The following TET3 variants were observed in gnomAD, a reference collection of about 807,000 sequenced individuals.
TET3 encodes the protein tet methylcytosine dioxygenase 3.
In TET3, 19 loss-of-function variants were observed where a neutral mutation model predicts 141.4. The ratio of observed to expected loss-of-function variants is 0.13; its 90% CI spans 0.09 to 0.20. The LOEUF (loss-of-function observed/expected upper bound fraction) is 0.20, where lower values mean the gene tolerates loss of function less well. TET3 is among the 10% of genes least tolerant of loss of function. The pLI is 1.00. For missense variants in TET3, 1,874 were observed against 2,356.9 expected (o/e 0.80, Z 4.24); for synonymous variants, 1,043 against 980.9 (o/e 1.06, Z -1.18).
chr2:73,999,994 G>T (rs1390605170), intron 2 of TET3, among the ~76,000 whole-genome samples: 1 of 152,282 alleles, frequency 6.6e-6, no homozygotes, highest in Non-Finnish European at 1.5e-5. Context: ...GGAAGGCAGG[G>T]TGGGGACCTG....
At chr2:74,017,837 C>T (rs1685814877) in intron 3 of TET3, among the ~76,000 whole-genome samples, 1 of 152,064 alleles carries the variant, frequency 6.6e-6, no homozygotes, top group Non-Finnish European at 1.5e-5. Context: ...AATGGCTGTA[C>T]TAATTTACAT....
At chr2:74,026,217 GGACTTT>G (rs1357949930) in intron 3 of TET3, among the ~76,000 whole-genome samples, 1 of 152,056 alleles carries the variant, frequency 6.6e-6, no homozygotes, top group Non-Finnish European at 1.5e-5. Flanking sequence ...GGGGAGAGAG[GGACTTT>G]GACACTGGTC....
At chr2:74,002,571 T>G (rs1470344781) in intron 2 of TET3, 1 of 310,964 alleles carries the variant, frequency 3.2e-6, no homozygotes, top group African/African-American at 2.2e-5. Flanking sequence ...AGCAGCACCC[T>G]CGGCTGCGCC....
intron 4 of TET3, among the ~76,000 whole-genome samples, chr2:74,070,566 G>T (rs1689150875): frequency 6.6e-6 from 1 of 152,214 alleles, no homozygotes; most frequent in Non-Finnish European, 1.5e-5. Flanking sequence ...CCATGCTGTT[G>T]CAGGTTTCTG....
chr2:74,092,327 C>G (rs1690545627), intron 8 of TET3, among the ~76,000 whole-genome samples: 1 of 152,024 alleles, frequency 6.6e-6, no homozygotes, highest in African/African-American at 2.4e-5. Flanking sequence ...TAGAATTCAT[C>G]TGTATTTCTG....
intron 2 of TET3, chr2:73,993,838 G>A (rs1348280269): frequency 2.0e-5 from 3 of 152,286 alleles, no homozygotes; most frequent in African/African-American, 7.2e-5. Context: ...GGAGCTCCAT[G>A]ACCCAGTAGT....
chr2:74,042,336 G>T (rs953597757), intron 3 of TET3, among the ~76,000 whole-genome samples: 2 of 152,220 alleles, frequency 1.3e-5, no homozygotes, highest in African/African-American at 4.8e-5. Flanking sequence ...CCCAGCCTTG[G>T]TTTCAAGAAG....
intron 3 of TET3, among the ~76,000 whole-genome samples, chr2:74,035,168 C>T (rs375993051): frequency 4.3e-5 from 6 of 138,662 alleles, no homozygotes; most frequent in African/African-American, 1.6e-4. Flanking sequence ...CGCCACTGCA[C>T]TCCAGCCTGG....
At position 74,102,038 on chromosome 2, in the gene TET3, G is replaced by C. The variant is rs760215937; in HGVS notation, c.5250G>C (p.Val1750=). 5.8e-6 allele frequency: 9 copies of C among 1,551,920 alleles called. No homozygotes were observed. The highest frequency in any genetic ancestry group is 7.0e-6 in the Non-Finnish European group (8 of 1,148,984). ...YGKKRKWGGT[V]VAEPQQKEKK... Reference sequence around the variant, plus strand: ...AGAAGCGCAAGTGGGGGGGCACTGTGGTTGCTGAGCCCCAGCAGAAAGAGA... The same window carrying C: ...AGAAGCGCAAGTGGGGGGGCACTGTCGTTGCTGAGCCCCAGCAGAAAGAGA... Residue 1750 remains valine (V), a synonymous_variant, in exon 12 of 12, where the codon GTG becomes GTC. Transcript: ENST00000409262.
chr2:74,016,927 C>T (rs1053477661), intron 3 of TET3, among the ~76,000 whole-genome samples: 2 of 151,434 alleles, frequency 1.3e-5, no homozygotes, highest in Non-Finnish European at 2.9e-5. Context: ...TCACCTCAAA[C>T]ATTTATTAAT....
intron 8 of TET3, 108 bp downstream of exon 8, chr2:74,090,155 G>A: frequency 2.0e-6 from 3 of 1,492,310 alleles, no homozygotes; most frequent in East Asian, 2.3e-5. Context: ...TGCACAGGAA[G>A]TGGAACTTGT....
At chr2:74,035,232 C>T (rs1686983219) in intron 3 of TET3, among the ~76,000 whole-genome samples, 1 of 143,234 alleles carries the variant, frequency 7.0e-6, no homozygotes, top group South Asian at 2.2e-4. Context: ...GTTATTGGGG[C>T]CGGGCATGGT....
At chr2:74,067,259 T>C (rs1344425691) in intron 4 of TET3, among the ~76,000 whole-genome samples, 2 of 152,254 alleles carry the variant, frequency 1.3e-5, no homozygotes, top group Non-Finnish European at 2.9e-5. Flanking sequence ...GTTTAAGCAC[T>C]GGTACCTTGC....
intron 3 of TET3, among the ~76,000 whole-genome samples, chr2:74,038,519 G>A (rs1417691785): frequency 6.6e-6 from 1 of 152,178 alleles, no homozygotes; most frequent in Non-Finnish European, 1.5e-5. Context: ...AAGATGTGCA[G>A]CACTAGCACC....
intron 2 of TET3, 42 bp from the exon 3 acceptor site, chr2:74,003,068 G>A: frequency 6.5e-7 from 1 of 1,550,104 alleles, no homozygotes; most frequent in Non-Finnish European, 8.7e-7. Flanking sequence ...CTGCCTTCCT[G>A]GTACCCGCCT....
In TET3 at chr2:74,099,511, A is replaced by G. The variant is rs1227009447; in HGVS notation, c.3503A>G (p.Lys1168Arg). ...CGCCAGCGGCAGCTGGAAGCCAGAA[A>G]GGCAGCAGCCGAGAAGAAGAAGATT... ...SCRQRQLEAR[K>R]AAAEKKKIQK... is the part of the protein sequence containing the mutation. Residue 1168 changes from lysine (K) to arginine (R), a missense_variant, in exon 11 of 12, where the codon AAG becomes AGG. Around this residue, in one of 10 missense-constraint regions of TET3, gnomAD observed 602 missense variants for 590.2 expected, o/e 1.02. Transcript: ENST00000409262. 6.2e-7 allele frequency: 1 copy of G among 1,613,338 alleles called. No homozygotes were observed. The highest frequency in any genetic ancestry group is 1.7e-5 in the Admixed American group (1 of 59,932).
rs1691605319 is a variant in TET3 at position 74,108,066 on chromosome 2, A to G, written c.*5890A>G. Reference sequence around the variant, plus strand: ...CAAGTATGTATCCTTTTTGATTTGTATTTTATTATAATTTACACAAACAAC... The same window carrying G: ...CAAGTATGTATCCTTTTTGATTTGTGTTTTATTATAATTTACACAAACAAC... On this transcript the variant is annotated 3_prime_UTR_variant, in exon 12 of 12. Transcript: ENST00000409262. The G allele has an allele frequency of 6.5e-6, 1 of 153,592 alleles. No individual in the cohort carries two copies. Among genetic ancestry groups the G allele is most frequent in the Non-Finnish European group, 1.5e-5 (1 of 68,004 alleles). The allele number at this position is 153,592 out of a possible 1,614,324, so 9.5% of individuals were successfully genotyped here. A position where few individuals can be genotyped will look rare whatever the true frequency, so the allele number is the denominator to read the frequency against.
At chr2:74,078,584 T>C (rs1689641145) in intron 5 of TET3, among the ~76,000 whole-genome samples, 1 of 152,238 alleles carries the variant, frequency 6.6e-6, no homozygotes, top group African/African-American at 2.4e-5. Flanking sequence ...ATAAGTTGTT[T>C]CATTTTTCTG....
chr2:74,068,931 G>A (rs1689050738), intron 4 of TET3, among the ~76,000 whole-genome samples: 3 of 152,256 alleles, frequency 2.0e-5, no homozygotes, highest in East Asian at 1.9e-4. Flanking sequence ...TTTGACTGAT[G>A]TGAGTTCCAG....
Sources: allele counts gnomAD v4.1 joint callset (sites outside exome capture counted in the v4.1 genomes callset), GRCh38; gene constraint gnomAD v4.1.1; regional missense constraint gnomAD v4.1.1; transcripts MANE v1.5; gene names NCBI Gene and HGNC (gene_info 2026-07-23, HGNC 2026-07-21).